YTHDC2: variants seen among roughly 807,000 people sequenced by gnomAD.
YTHDC2 encodes the protein YTH N6-methyladenosine RNA binding protein C2, also known as 3'-5' RNA helicase YTHDC2.
YTHDC2 carries 45 observed loss-of-function variants against 174.9 expected under a neutral mutation model. The observed-to-expected ratio is 0.26, with a 90% CI of 0.20 to 0.33. The LOEUF (loss-of-function observed/expected upper bound fraction) is 0.33. YTHDC2 is among the 10% of genes least tolerant of loss of function. The pLI, the probability that YTHDC2 is intolerant of heterozygous loss-of-function variation, is 1.00. For missense variants in YTHDC2, 1,650 were observed against 1,723.7 expected, an observed-to-expected ratio of 0.96 and a Z score of 0.76; for synonymous variants, 657 against 574.5, an observed-to-expected ratio of 1.14 and a Z score of -2.05.
At chr5:113,533,536 C>G (rs889971536) in intron 5 of YTHDC2, among the ~76,000 whole-genome samples, 4 of 148,902 alleles carry the variant, frequency 2.7e-5, no homozygotes, top group African/African-American at 9.9e-5. Flanking sequence ...GCAACAAGAG[C>G]GAAACCGTCT....
rs1029902240 is a variant in YTHDC2 at position 113,595,067 on chromosome 5, T to G, written c.*1593T>G. On this transcript the variant is annotated 3_prime_UTR_variant, in exon 30 of 30. Coordinates refer to ENST00000161863, the MANE Select transcript of YTHDC2 (RefSeq NM_022828.5). ...TTGTGTTTCCCTGATAATGTGTACA[T>G]TTTTTAGGCATGTACTTAATAGTTC... The G allele has an allele frequency of 6.6e-6, 1 of 152,278 alleles. No individual in the cohort carries two copies. Among genetic ancestry groups the G allele is most frequent in the East Asian group, 1.9e-4 (1 of 5,184 alleles). The allele number at this position is 152,278 out of a possible 1,614,324, so 9.4% of individuals were successfully genotyped here. A position where few individuals can be genotyped will look rare whatever the true frequency, so the allele number is the denominator to read the frequency against.
intron 2 of YTHDC2, among the ~76,000 whole-genome samples, chr5:113,518,142 C>A (rs1352509955): frequency 2.6e-5 from 4 of 151,230 alleles, no homozygotes; most frequent in Non-Finnish European, 4.4e-5. Context: ...CCCGCCTTGG[C>A]CTCCCAAAGT....
intron 1 of YTHDC2, among the ~76,000 whole-genome samples, chr5:113,514,459 A>G (rs189475735): frequency 1.2e-3 from 179 of 152,348 alleles, no homozygotes; most frequent in African/African-American, 4.2e-3. Flanking sequence ...AGAAGAGCAG[A>G]AAGAAATCAA....
At position 113,539,106 on chromosome 5, in the gene YTHDC2, T is replaced by C; in HGVS notation, c.1135T>C (p.Phe379Leu). 1 of 1,438,472 alleles carries C rather than the reference T, an allele frequency of 7.0e-7. No homozygotes were observed. The highest frequency in any genetic ancestry group is 9.3e-7 in the Non-Finnish European group (1 of 1,070,450). 89.1% of individuals were successfully genotyped at this position (1,438,472 alleles called of 1,614,324 possible). The change falls in exon 8 of 30, where the codon TTT becomes CTT. Residue 379 changes from phenylalanine (F) to leucine (L), a missense_variant. This residue lies in a region of YTHDC2 where 411 missense variants were observed against 380.6 expected (regional missense o/e 1.08). Coordinates refer to ENST00000161863, the MANE Select transcript of YTHDC2 (RefSeq NM_022828.5). Reference sequence around the variant, plus strand: ...AAGACCATTTGAAGTAAAAGAAATGTTTCTGGAAGATATTTTAAGAACAAC... The same window carrying C: ...AAGACCATTTGAAGTAAAAGAAATGCTTCTGGAAGATATTTTAAGAACAAC... The part of the protein sequence containing the change: ...QGRPFEVKEM[F>L]LEDILRTTGY...
At chr5:113,564,616 A>G (rs150037027) in intron 20 of YTHDC2, among the ~76,000 whole-genome samples, 1 of 152,232 alleles carries the variant, frequency 6.6e-6, no homozygotes, top group East Asian at 1.9e-4. Context: ...TCACTTAAAA[A>G]CCTTTTAAGA....
At chr5:113,584,049 T>A (rs1778541471) in intron 25 of YTHDC2, 1 of 282,122 alleles carries the variant, frequency 3.5e-6, no homozygotes. Context: ...ATTTAACAGA[T>A]AAGGAAATTA....
At chr5:113,574,244 C>T (rs998380289) in intron 23 of YTHDC2, among the ~76,000 whole-genome samples, 1 of 152,146 alleles carries the variant, frequency 6.6e-6, no homozygotes, top group African/African-American at 2.4e-5. Context: ...GGGCTCCCCA[C>T]CAGACCTCAG....
chr5:113,589,803 A>G (rs1778913167), intron 26 of YTHDC2, among the ~76,000 whole-genome samples: 1 of 152,182 alleles, frequency 6.6e-6, no homozygotes, highest in Non-Finnish European at 1.5e-5. Flanking sequence ...CTTCTTGGAC[A>G]TAATGAATGT....
At chr5:113,527,674 A>AT (rs1279272620) in intron 4 of YTHDC2, among the ~76,000 whole-genome samples, 1 of 152,188 alleles carries the variant, frequency 6.6e-6, no homozygotes, top group African/African-American at 2.4e-5. Flanking sequence ...GGACTTAAAC[A>AT]TTTTTACAGA....
At position 113,563,260 on chromosome 5, in the gene YTHDC2, A is replaced by C. The variant is rs561332857; in HGVS notation, c.2323-113A>C. On this transcript the variant is annotated intron_variant, in intron 18 of 29. Coordinates refer to ENST00000161863, the MANE Select transcript of YTHDC2 (RefSeq NM_022828.5). ...ATTGTTCCTTCTACTGTTCATTCTAATCAGAGACTCTACTAGTCTGTGTTT... is the reference window on the plus strand; with the variant it reads ...ATTGTTCCTTCTACTGTTCATTCTACTCAGAGACTCTACTAGTCTGTGTTT... 51 of 875,154 alleles carry C rather than the reference A, an allele frequency of 5.8e-5. No homozygotes were observed. In the African/African-American group the frequency reaches 8.0e-4, roughly 14 times the overall value. 54.2% of individuals were successfully genotyped at this position (875,154 alleles called of 1,614,324 possible). A position where few individuals can be genotyped will look rare whatever the true frequency, so the allele number is the denominator to read the frequency against.
At chr5:113,532,693 T>G (rs1367207663) in intron 4 of YTHDC2, among the ~76,000 whole-genome samples, 186 bp from the exon 5 acceptor site, 1 of 152,254 alleles carries the variant, frequency 6.6e-6, no homozygotes, top group Non-Finnish European at 1.5e-5. Flanking sequence ...TTAGTTTCTA[T>G]TGTGAGCAAG....
chr5:113,594,922 C>T lies in YTHDC2; in HGVS notation c.*1448C>T, dbSNP rs1467510209. The T allele has an allele frequency of 6.6e-6, 1 of 152,044 alleles. No individual in the cohort carries two copies. The highest frequency in any genetic ancestry group is 1.5e-5 in the Non-Finnish European group (1 of 68,010). The allele number at this position is 152,044 out of a possible 1,614,324, so 9.4% of individuals were successfully genotyped here. A position where few individuals can be genotyped will look rare whatever the true frequency, so the allele number is the denominator to read the frequency against. ...TTTAGAAAGTCAGCTATGATTTTGCCTATAGTTCTAGTTATTAGCTTTGGG... is the reference window on the plus strand; with the variant it reads ...TTTAGAAAGTCAGCTATGATTTTGCTTATAGTTCTAGTTATTAGCTTTGGG... On this transcript the variant is annotated 3_prime_UTR_variant, in exon 30 of 30. Coordinates refer to ENST00000161863, the MANE Select transcript of YTHDC2 (RefSeq NM_022828.5).
rs775325677 is a variant in YTHDC2, at chr5:113,591,107, T to G, written c.3892T>G (p.Leu1298Val). ...VRYFIMKSSN[L>V]RNLEISQQKG... ...ATACTTCATAATGAAGAGTAGCAAT[T>G]TGAGAAACCTTGAAATTTCTCAACA... is the stretch of plus-strand genomic sequence containing the variant. The change falls in exon 27 of 30, where the codon TTG becomes GTG. Residue 1298 changes from leucine to valine, a missense_variant. By Grantham distance (32) the Leu-to-Val change is conservative. Around this residue, in one of 5 missense-constraint regions of YTHDC2, gnomAD observed 913 missense variants for 940.4 expected, o/e 0.97. Transcript: ENST00000161863. 1.2e-6 allele frequency: 2 copies of G among 1,613,878 alleles called. No individual in the cohort carries two copies. Among genetic ancestry groups the G allele is most frequent in the Non-Finnish European group, 8.5e-7 (1 of 1,179,904 alleles).
At chr5:113,542,336 T>C in intron 9 of YTHDC2, 32 bp from the exon 10 acceptor site, 1 of 1,600,510 alleles carries the variant, frequency 6.2e-7, no homozygotes, top group Non-Finnish European at 8.5e-7. Flanking sequence ...AGGTAATTTA[T>C]GATAATTTAT....
At chr5:113,550,258 C>G (rs543828600) in intron 12 of YTHDC2, among the ~76,000 whole-genome samples, 3 of 151,454 alleles carry the variant, frequency 2.0e-5, no homozygotes, top group African/African-American at 7.3e-5. Context: ...ATGTGGGGCT[C>G]TAGAGGGAGG....
At chr5:113,535,326 A>G (rs1376705311) in intron 6 of YTHDC2, among the ~76,000 whole-genome samples, 3 of 152,298 alleles carry the variant, frequency 2.0e-5, no homozygotes, top group Non-Finnish European at 4.4e-5. Context: ...AAGGATTTGC[A>G]TAGGATATGT....
intron 4 of YTHDC2, among the ~76,000 whole-genome samples, chr5:113,531,645 A>G (rs1774677142): frequency 6.6e-6 from 1 of 151,946 alleles, no homozygotes; most frequent in South Asian, 2.1e-4. Flanking sequence ...ATAATTTTAC[A>G]ATTTCTCTCA....
chr5:113,555,590 C>T (rs979311011), intron 16 of YTHDC2, among the ~76,000 whole-genome samples: 11 of 152,162 alleles, frequency 7.2e-5, no homozygotes, highest in African/African-American at 2.7e-4. Flanking sequence ...AAATATTTCT[C>T]TTTGGGATAA....
chr5:113,518,172 G>A (rs1163891567), intron 2 of YTHDC2, among the ~76,000 whole-genome samples: 1 of 149,568 alleles, frequency 6.7e-6, no homozygotes, highest in East Asian at 1.9e-4. Flanking sequence ...ACAGGCGTGA[G>A]CCACTGCACC....
Sources: gnomAD v4.1 joint callset for allele counts (sites outside exome capture counted in the v4.1 genomes callset) on GRCh38, gnomAD v4.1.1 for gene constraint, gnomAD v4.1.1 regional missense constraint, MANE v1.5 for transcripts, NCBI Gene and HGNC (gene_info 2026-07-23, HGNC 2026-07-21) for gene names.